Variants in CACNG3 observed in about 807,000 individuals in gnomAD.
CACNG3 encodes the protein voltage-dependent calcium channel gamma-3 subunit.
A neutral mutation model predicts 28.5 loss-of-function variants in CACNG3; 3 were observed. That is an observed-to-expected ratio of 0.11 (90% CI 0.05 to 0.27). The LOEUF is 0.27. Ranked by LOEUF, CACNG3 falls within the 10% of genes least tolerant of loss-of-function variation. The pLI, the probability that CACNG3 is intolerant of heterozygous loss-of-function variation, is 1.00. For missense variants in CACNG3, 236 were observed against 414.4 expected (o/e 0.57, Z 3.74); for synonymous variants, 174 against 162.2 (o/e 1.07, Z -0.55).
chr16:24,330,489 C>T (rs951410550), intron 1 of CACNG3, among the ~76,000 whole-genome samples: 4 of 152,208 alleles, frequency 2.6e-5, no homozygotes, highest in African/African-American at 9.7e-5. Flanking sequence ...GCTGGAGCAC[C>T]TCCTGAGGTC....
intron 1 of CACNG3, among the ~76,000 whole-genome samples, chr16:24,300,972 G>A (rs1899101279): frequency 6.6e-6 from 1 of 151,554 alleles, no homozygotes; most frequent in Non-Finnish European, 1.5e-5. Context: ...GAACCTGGGA[G>A]GTGGAGGTTG....
intron 1 of CACNG3, among the ~76,000 whole-genome samples, chr16:24,337,590 G>A (rs1037432419): frequency 1.3e-5 from 2 of 152,046 alleles, no homozygotes; most frequent in African/African-American, 4.8e-5. Context: ...GCAGAGGCAG[G>A]AGGATAGCTT....
intron 2 of CACNG3, among the ~76,000 whole-genome samples, chr16:24,349,179 C>T (rs553592909): frequency 6.6e-6 from 1 of 152,230 alleles, no homozygotes; most frequent in African/African-American, 2.4e-5. Flanking sequence ...GACCCACAAC[C>T]CTGGTGGGAA....
In CACNG3 at chr16:24,256,831, T is replaced by C; in HGVS notation, c.77T>C (p.Ile26Thr). The change falls in exon 1 of 4, where the codon ATT (isoleucine) becomes ACT (threonine). Residue 26 changes from isoleucine (I) to threonine (T), a missense_variant. By Grantham distance (89) the Ile-to-Thr change is moderately conservative. Coordinates refer to ENST00000005284, the MANE Select transcript of CACNG3 (RefSeq NM_006539.4). The surrounding 1 kb of genome is among the most constrained non-coding windows in gnomAD (Gnocchi z 4.6). ...GAFAAFSLMTIAVGTDYWLYS... is the reference protein window; with the variant it reads ...GAFAAFSLMTTAVGTDYWLYS... ...TTTGCCGCTTTTAGTTTAATGACCATTGCAGTGGGCACGGACTACTGGTTA... is the reference window on the plus strand; with the variant it reads ...TTTGCCGCTTTTAGTTTAATGACCACTGCAGTGGGCACGGACTACTGGTTA... 6.2e-7 allele frequency: 1 copy of C among 1,613,782 alleles called. No homozygotes were observed. The highest frequency in any genetic ancestry group is 8.5e-7 in the Non-Finnish European group (1 of 1,179,668).
intron 1 of CACNG3, among the ~76,000 whole-genome samples, chr16:24,334,650 C>T (rs1269433490): frequency 1.1e-4 from 17 of 152,220 alleles, no homozygotes; most frequent in Admixed American, 9.8e-4. Flanking sequence ...ATGATAGTCT[C>T]ACTTCCCCAG....
chr16:24,359,104 G>A (rs755009599), intron 3 of CACNG3, among the ~76,000 whole-genome samples: 1 of 151,950 alleles, frequency 6.6e-6, no homozygotes, highest in Non-Finnish European at 1.5e-5. Context: ...CCTTCTTTGG[G>A]GACTTTCCAA....
At chr16:24,351,659 G>C (rs199750118) in intron 2 of CACNG3, among the ~76,000 whole-genome samples, 1 of 65,360 alleles carries the variant, frequency 1.5e-5, no homozygotes, top group Non-Finnish European at 2.8e-5. Context: ...GGGAAAGACA[G>C]ACGAAAGAAA....
intron 1 of CACNG3, among the ~76,000 whole-genome samples, chr16:24,275,210 T>C (rs1032808593): frequency 6.6e-6 from 1 of 151,484 alleles, no homozygotes; most frequent in South Asian, 2.1e-4. Context: ...AAAAAAGATA[T>C]GATTTGCTTT....
chr16:24,303,321 T>TTAA (rs1268423278), intron 1 of CACNG3, among the ~76,000 whole-genome samples: 1 of 151,656 alleles, frequency 6.6e-6, no homozygotes, highest in Non-Finnish European at 1.5e-5. Context: ...TGGCTTCATC[T>TTAA]TATTACTTAG....
intron 1 of CACNG3, among the ~76,000 whole-genome samples, chr16:24,295,067 T>A (rs1051546014): frequency 6.6e-6 from 1 of 152,130 alleles, no homozygotes; most frequent in Non-Finnish European, 1.5e-5. Flanking sequence ...AAGGATGAAT[T>A]GTCAGGAGGG....
At chr16:24,317,655 AG>A (rs1899392600) in intron 1 of CACNG3, among the ~76,000 whole-genome samples, 1 of 79,940 alleles carries the variant, frequency 1.3e-5, no homozygotes, top group Non-Finnish European at 2.5e-5. Flanking sequence ...AAGAAAAGAA[AG>A]AAAGAAAGAA....
chr16:24,323,987 C>T (rs940362789), intron 1 of CACNG3, among the ~76,000 whole-genome samples: 2 of 152,136 alleles, frequency 1.3e-5, no homozygotes, highest in African/African-American at 2.4e-5. Context: ...AGGCTGGTCT[C>T]GAATTCCTGA....
chr16:24,308,588 C>A (rs761038067), intron 1 of CACNG3, among the ~76,000 whole-genome samples: 2 of 152,030 alleles, frequency 1.3e-5, no homozygotes, highest in Non-Finnish European at 2.9e-5. Context: ...GGCGCCGTGG[C>A]TCACACCTGT....
At chr16:24,309,843 C>A (rs1006464519) in intron 1 of CACNG3, among the ~76,000 whole-genome samples, 1 of 152,016 alleles carries the variant, frequency 6.6e-6, no homozygotes, top group Non-Finnish European at 1.5e-5. Context: ...TAGTAAGGAG[C>A]CTGGGTGTGA....
chr16:24,287,857 C>T (rs889206716), intron 1 of CACNG3, among the ~76,000 whole-genome samples: 3 of 152,044 alleles, frequency 2.0e-5, no homozygotes, highest in Admixed American at 6.6e-5. Flanking sequence ...GCCTGTAATC[C>T]CAGCACTTGG....
At chr16:24,312,156 G>C (rs1365213410) in intron 1 of CACNG3, among the ~76,000 whole-genome samples, 1 of 152,150 alleles carries the variant, frequency 6.6e-6, no homozygotes, top group Non-Finnish European at 1.5e-5. Context: ...ACAGTGTGCC[G>C]GTGGGGAAGC....
rs139092120 is a variant in CACNG3 at position 24,334,262 on chromosome 16, G to A, written c.212-12472G>A. Among the ~76,000 whole-genome samples the A allele has an allele frequency of 3.0e-4, 45 of 152,284 alleles. No homozygotes were observed. In the East Asian group the frequency reaches 5.0e-3, roughly 17 times the overall value. On this transcript the variant is annotated intron_variant, in intron 1 of 3. Transcript: ENST00000005284. The stretch of plus-strand genomic sequence containing the variant: ...GGCCTGGAATGTGGTTGCACTGGCT[G>A]GACTCATGCTGAGATGGATGTCAAG...
chr16:24,287,413 G>A (rs1898908443), intron 1 of CACNG3, among the ~76,000 whole-genome samples: 2 of 151,006 alleles, frequency 1.3e-5, no homozygotes, highest in Non-Finnish European at 2.9e-5. Context: ...AGCTAATCAG[G>A]AGGCTGAGGC....
At chr16:24,323,447 A>G (rs746252016) in intron 1 of CACNG3, among the ~76,000 whole-genome samples, 42 of 152,300 alleles carry the variant, frequency 2.8e-4, no homozygotes, top group Middle Eastern at 6.8e-3. Context: ...TTTAATACTC[A>G]TAGCAGTCTT....
Sources: gnomAD v4.1 joint callset for allele counts (sites outside exome capture counted in the v4.1 genomes callset) on GRCh38, gnomAD v4.1.1 for gene constraint, Gnocchi (gnomAD v3.1) non-coding constraint, MANE v1.5 for transcripts, NCBI Gene and HGNC (gene_info 2026-07-23, HGNC 2026-07-21) for gene names.